Variants in OPA3 observed in about 807,000 individuals in gnomAD.
OPA3 encodes outer mitochondrial membrane lipid metabolism regulator OPA3.
Under a neutral mutation model 4.0 loss-of-function variants are expected in OPA3, and 6 were observed. The ratio of observed to expected loss-of-function variants is 1.51; its 90% confidence interval spans 0.83 to 2.99. The LOEUF is 2.99. Ranked by LOEUF, OPA3 falls within the 30% of genes most tolerant of loss-of-function variation. The probability of loss-of-function intolerance (pLI) is 0.00; values close to 1 mark genes in which losing one functional copy is unlikely to be tolerated. For missense variants in OPA3, 235 were observed against 256.2 expected (o/e 0.92, Z 0.56); for synonymous variants, 105 against 117.1 (o/e 0.90, Z 0.67).
At chr19:45,571,231 C>G (rs1267236781) in intron 1 of OPA3, among the ~76,000 whole-genome samples, 1 of 152,112 alleles carries the variant, frequency 6.6e-6, no homozygotes, top group African/African-American at 2.4e-5. Flanking sequence ...GCAACCTCCA[C>G]CTCCCGGGTT....
chr19:45,560,575 CTCCTGGATT>C (rs1044600210), intron 1 of OPA3, among the ~76,000 whole-genome samples: 14 of 152,274 alleles, frequency 9.2e-5, no homozygotes, highest in Admixed American at 5.2e-4. Context: ...ATTGCCCCTC[CTCCTGGATT>C]TCCTGGATTG....
chr19:45,566,475 CTTT>C (rs544406295), intron 1 of OPA3, among the ~76,000 whole-genome samples: 5 of 102,318 alleles, frequency 4.9e-5, no homozygotes, highest in East Asian at 3.0e-4. Flanking sequence ...TGATTTTTCT[CTTT>C]TTTTTTTTTT....
intron 1 of OPA3, among the ~76,000 whole-genome samples, chr19:45,572,428 CATGAT>C (rs199654716): frequency 0.071 from 8,575 of 120,012 alleles, 770 homozygotes; most frequent in East Asian, 0.18. Flanking sequence ...CGATATATAT[CATGAT>C]ATATGTATAT....
chr19:45,558,460 T>A (rs1048304690), intron 1 of OPA3, among the ~76,000 whole-genome samples: 1 of 152,156 alleles, frequency 6.6e-6, no homozygotes, highest in Non-Finnish European at 1.5e-5. Flanking sequence ...CAAAGTCCCC[T>A]CCTCAGAGGA....
At chr19:45,565,810 A>G (rs977981122) in intron 1 of OPA3, among the ~76,000 whole-genome samples, 1 of 151,958 alleles carries the variant, frequency 6.6e-6, no homozygotes, top group Admixed American at 6.6e-5. Context: ...AATTAGCTGT[A>G]CGTGGTGGTG....
downstream of OPA3, among the ~76,000 whole-genome samples, chr19:45,542,414 T>A (rs1003360194): frequency 6.6e-6 from 1 of 152,180 alleles, no homozygotes; most frequent in Non-Finnish European, 1.5e-5. Context: ...CTAGATAGTG[T>A]GGCCTGCTAC....
At chr19:45,538,126 GAA>G (rs35522061) in intron 1 of OPA3, among the ~76,000 whole-genome samples, 3,789 of 117,894 alleles carry the variant, frequency 0.032, 170 homozygotes, top group African/African-American at 0.11. Flanking sequence ...AATGCCACCT[GAA>G]AAAAAAAAAA....
exon 2 of OPA3, chr19:45,529,076 C>A: frequency 6.2e-7 from 1 of 1,600,636 alleles, no homozygotes; most frequent in Non-Finnish European, 8.5e-7. Flanking sequence ...GACGCCGGCG[C>A]AACTGGGGGT....
intron 1 of OPA3, among the ~76,000 whole-genome samples, chr19:45,531,759 T>C (rs10439107): frequency 4.6e-5 from 7 of 152,198 alleles, no homozygotes; most frequent in African/African-American, 1.7e-4. Context: ...TTCCACGATG[T>C]GTAAAGGCAG....
Position 45,553,745 on chromosome 19 carries a change from G to T in OPA3, c.309C>A (p.Arg103=). 3 of 1,611,700 alleles carry T rather than the reference G, an allele frequency of 1.9e-6. No homozygotes were observed. The highest frequency in any genetic ancestry group is 2.5e-6 in the Non-Finnish European group (3 of 1,179,734). Reference sequence around the variant, plus strand: ...CCTTGTGGCGCTGCTGCGCCTGGTGGCGCCAGTACTCCAGCACTAGGCAGC... The same window carrying T: ...CCTTGTGGCGCTGCTGCGCCTGGTGTCGCCAGTACTCCAGCACTAGGCAGC... The part of the protein sequence containing the change: ...GGGCLVLEYW[R]HQAQQRHKEE... The change falls in exon 2 of 2, where the codon CGC becomes CGA. Residue 103 remains arginine, a synonymous_variant. Transcript: ENST00000263275.
intron 1 of OPA3, 120 bp from the exon 2 acceptor site, chr19:45,554,031 T>C: frequency 1.3e-6 from 1 of 763,192 alleles, no homozygotes; most frequent in Non-Finnish European, 2.1e-6. Context: ...AAAGACCAGA[T>C]GATTCTAGCG....
Position 45,550,809 on chromosome 19 carries a change from A to G in OPA3, c.*2705T>C. On this transcript the variant is annotated 3_prime_UTR_variant, in exon 2 of 2. Coordinates refer to ENST00000263275, the MANE Select transcript of OPA3 (RefSeq NM_025136.4). ...GCAGCTCCTCTAATGAGAGAGCTAC[A>G]GTCGGAAGGACAGACTGCAGGCTAC... 1 of 986,060 alleles carries G rather than the reference A, an allele frequency of 1.0e-6. No homozygotes were observed. The highest frequency in any genetic ancestry group is 4.7e-5 in the South Asian group (1 of 21,286). The allele number at this position is 986,060 out of a possible 1,614,324, so 61.1% of individuals were successfully genotyped here. A position where few individuals can be genotyped will look rare whatever the true frequency, so the allele number is the denominator to read the frequency against.
chr19:45,561,620 A>G (rs2122463657), intron 1 of OPA3, among the ~76,000 whole-genome samples: 1 of 152,260 alleles, frequency 6.6e-6, no homozygotes, highest in African/African-American at 2.4e-5. Context: ...TGGGAGAGGG[A>G]AAGGAAAAAC....
intron 1 of OPA3, among the ~76,000 whole-genome samples, chr19:45,537,392 G>A (rs1599951476): frequency 2.6e-5 from 1 of 38,112 alleles, no homozygotes; most frequent in Non-Finnish European, 3.9e-5. Flanking sequence ...GCAAGACTCT[G>A]TCTCAAAAAA....
Position 45,553,705 on chromosome 19 carries a change from C to A in OPA3, c.349G>T (p.Ala117Ser). The A allele has an allele frequency of 6.2e-7, 1 of 1,608,188 alleles. No individual in the cohort carries two copies. ...QQRHKEEEQR[A>S]AWNALRDEVG... Reference sequence around the variant, plus strand: ...TCGTCCCGCAGCGCGTTCCAGGCAGCACGCTGCTCCTCCTCCTTGTGGCGC... The same window carrying A: ...TCGTCCCGCAGCGCGTTCCAGGCAGAACGCTGCTCCTCCTCCTTGTGGCGC... The change falls in exon 2 of 2, where the codon GCT becomes TCT. Residue 117 changes from alanine (A) to serine (S), a missense_variant. Ala to Ser is a moderately conservative substitution (Grantham distance 99, BLOSUM62 1). Coordinates refer to ENST00000263275, the MANE Select transcript of OPA3 (RefSeq NM_025136.4).
chr19:45,553,103 A>T lies in OPA3; in HGVS notation c.*411T>A. 8.9e-7 allele frequency: 1 copy of T among 1,128,992 alleles called. No individual in the cohort carries two copies. The highest frequency in any genetic ancestry group is 1.1e-6 in the Non-Finnish European group (1 of 915,106). The allele number at this position is 1,128,992 out of a possible 1,614,324, so 69.9% of individuals were successfully genotyped here. On this transcript the variant is annotated 3_prime_UTR_variant, in exon 2 of 2. Coordinates refer to ENST00000263275, the MANE Select transcript of OPA3 (RefSeq NM_025136.4). Reference sequence around the variant, plus strand: ...CAGTGGTCTGTGCCGATTGACAAAAAGAAGAAGGTGTTCCAGTGTAACAGA... The same window carrying T: ...CAGTGGTCTGTGCCGATTGACAAAATGAAGAAGGTGTTCCAGTGTAACAGA...
chr19:45,558,346 A>C (rs764787757), intron 1 of OPA3, among the ~76,000 whole-genome samples: 9 of 152,088 alleles, frequency 5.9e-5, no homozygotes, highest in Non-Finnish European at 1.3e-4. Flanking sequence ...AAGAAAAGAA[A>C]AGAACAAACC....
rs779419503 is a variant in OPA3 at position 45,553,475 on chromosome 19, A to G, written c.*39T>C. Reference sequence around the variant, plus strand: ...GCGGGAAGAAGGCCACGTTAGGTACATAGGCCATGTCCAAATTCAGGTTCC... The same window carrying G: ...GCGGGAAGAAGGCCACGTTAGGTACGTAGGCCATGTCCAAATTCAGGTTCC... On this transcript the variant is annotated 3_prime_UTR_variant, in exon 2 of 2. Transcript: ENST00000263275. The G allele has an allele frequency of 6.2e-7, 1 of 1,610,848 alleles. No homozygotes were observed.
At chr19:45,565,384 C>T (rs1267615724) in intron 1 of OPA3, among the ~76,000 whole-genome samples, 1 of 152,052 alleles carries the variant, frequency 6.6e-6, no homozygotes. Context: ...AATCCCAGCG[C>T]TTTGGGAGGT....
Sources: gnomAD v4.1 joint callset for allele counts (sites outside exome capture counted in the v4.1 genomes callset) on GRCh38, gnomAD v4.1.1 for gene constraint, MANE v1.5 for transcripts, NCBI Gene and HGNC (gene_info 2026-07-23, HGNC 2026-07-21) for gene names.